The following CSMD2 variants were observed in gnomAD, a reference collection of about 807,000 sequenced individuals.
The protein encoded by CSMD2 is CUB and Sushi multiple domains 2.
In CSMD2, 130 loss-of-function variants were observed where a neutral mutation model predicts 398.5. That is an observed-to-expected ratio of 0.33 (90% CI 0.28 to 0.38). CSMD2 has a LOEUF of 0.38. CSMD2 is among the 10% of genes least tolerant of loss of function. CSMD2 has a pLI of 1.00. For synonymous variants in CSMD2, 1,828 were observed against 1,908.5 expected, an observed-to-expected ratio of 0.96 and a Z score of 1.10; for missense variants, 3,829 against 4,764.9, an observed-to-expected ratio of 0.80 and a Z score of 5.78.
At chr1:33,839,992 T>A (rs1395611783) in intron 6 of CSMD2, 1 of 152,140 alleles carries the variant, frequency 6.6e-6, no homozygotes, top group African/African-American at 2.4e-5. Context: ...AATCATCAAC[T>A]CAACTAAGGT....
At chr1:34,120,275 T>C (rs1662039730) in intron 1 of CSMD2, among the ~76,000 whole-genome samples, 1 of 152,178 alleles carries the variant, frequency 6.6e-6, no homozygotes, top group Non-Finnish European at 1.5e-5. Flanking sequence ...GAAATTAAGA[T>C]GGTGATTGTC....
At chr1:33,809,667 G>A (rs572247808) in intron 10 of CSMD2, among the ~76,000 whole-genome samples, 67 of 152,016 alleles carry the variant, frequency 4.4e-4, no homozygotes, top group African/African-American at 1.6e-3. Flanking sequence ...TATACTGGGA[G>A]GTTCCAACCA....
chr1:33,705,020 T>A lies in CSMD2; in HGVS notation c.3576+4069A>T, dbSNP rs190160730. ...TCTTTGTTTTAATACATAGCCAAAT[T>A]CAATCAGATTTATACTCAAAATTTT... On this transcript the variant is annotated intron_variant, in intron 22 of 70. Transcript: ENST00000373381. 2.6e-5 allele frequency among the ~76,000 whole-genome samples: 4 copies of A among 152,146 alleles called. No individual in the cohort carries two copies. In the East Asian group the frequency reaches 7.7e-4, roughly 29 times the overall value.
intron 2 of CSMD2, among the ~76,000 whole-genome samples, chr1:34,073,444 T>A (rs768437244): frequency 8.5e-5 from 13 of 152,342 alleles, no homozygotes; most frequent in Non-Finnish European, 1.8e-4. Context: ...CATGGGCAGT[T>A]TAATGAATCC....
intron 1 of CSMD2, among the ~76,000 whole-genome samples, chr1:34,137,487 T>C (rs1255231876): frequency 6.6e-6 from 1 of 152,092 alleles, no homozygotes; most frequent in East Asian, 1.9e-4. Flanking sequence ...AGTAAACACA[T>C]CAGGCTCAAA....
chr1:34,129,003 A>AC (rs746867346), intron 1 of CSMD2, among the ~76,000 whole-genome samples: 16,973 of 80,894 alleles, frequency 0.21, 1,149 homozygotes, highest in East Asian at 0.37. Context: ...ATACATGTGT[A>AC]CCCCCCCCCA....
Position 33,602,228 on chromosome 1 carries a change from T to C in CSMD2, c.6710+141A>G, listed in dbSNP as rs556286597. ...CTGAGCCCCATTCCACTATGTTTAT[T>C]TGAAACCCAGGAGGCTGACAGCCTT... On this transcript the variant is annotated intron_variant, in intron 43 of 70. Transcript: ENST00000373381. 9.1e-4 allele frequency: 778 copies of C among 852,364 alleles called. 7 individuals carry two copies. The African/African-American group carries it at 0.012, about 13-fold the overall frequency. 52.8% of individuals were successfully genotyped at this position (852,364 alleles called of 1,614,324 possible).
At chr1:33,684,441 G>C (rs1645001137) in intron 25 of CSMD2, among the ~76,000 whole-genome samples, 1 of 152,160 alleles carries the variant, frequency 6.6e-6, no homozygotes. Flanking sequence ...ATCGGCAGAG[G>C]ACTGTCTCCT....
intron 25 of CSMD2, among the ~76,000 whole-genome samples, chr1:33,671,973 T>C (rs1191986318): frequency 1.4e-5 from 2 of 147,222 alleles, no homozygotes; most frequent in African/African-American, 5.0e-5. Flanking sequence ...CTCTATCCCA[T>C]TGCAAATTGG....
At chr1:34,018,874 CTT>C (rs1648496494) in intron 3 of CSMD2, among the ~76,000 whole-genome samples, 1 of 152,104 alleles carries the variant, frequency 6.6e-6, no homozygotes, top group Admixed American at 6.5e-5. Flanking sequence ...TAATCTTTTC[CTT>C]TTGTTAGATT....
intron 22 of CSMD2, among the ~76,000 whole-genome samples, chr1:33,703,917 C>T (rs1012361942): frequency 2.6e-5 from 4 of 152,108 alleles, no homozygotes; most frequent in South Asian, 4.1e-4. Context: ...AATCCTTGAT[C>T]GCCATTGAAG....
intron 9 of CSMD2, among the ~76,000 whole-genome samples, chr1:33,818,795 A>G (rs1657767209): frequency 6.6e-6 from 1 of 152,234 alleles, no homozygotes; most frequent in Non-Finnish European, 1.5e-5. Flanking sequence ...TATGGGTTTC[A>G]GCTCCAACTC....
chr1:33,734,995 C>T (rs1399538362), intron 15 of CSMD2, among the ~76,000 whole-genome samples: 1 of 152,118 alleles, frequency 6.6e-6, no homozygotes, highest in African/African-American at 2.4e-5. Flanking sequence ...TCCGATGTCT[C>T]CATGTGATGT....
chr1:33,897,536 T>C (rs1405086055), intron 5 of CSMD2, among the ~76,000 whole-genome samples: 1 of 152,228 alleles, frequency 6.6e-6, no homozygotes, highest in East Asian at 1.9e-4. Flanking sequence ...ACCTGTGGGT[T>C]CATACTGTGT....
At chr1:34,147,898 G>A (rs1484936916) in intron 1 of CSMD2, among the ~76,000 whole-genome samples, 1 of 152,170 alleles carries the variant, frequency 6.6e-6, no homozygotes, top group African/African-American at 2.4e-5. Context: ...ACACAAGGTT[G>A]TTCAAGAGAG....
At chr1:33,517,597 A>G (rs1046629089) in intron 70 of CSMD2, among the ~76,000 whole-genome samples, 1 of 152,210 alleles carries the variant, frequency 6.6e-6, no homozygotes, top group Non-Finnish European at 1.5e-5. Context: ...AGGAAAAAAT[A>G]AAGATTGGGC....
Position 34,029,124 on chromosome 1 carries a change from G to A in CSMD2, c.517+3470C>T, listed in dbSNP as rs139451760. ...CGGACACAACAACATCATGAATAGC[G>A]AATATAAGGAAACCATCCTGACTGG... On this transcript the variant is annotated intron_variant, in intron 3 of 70. Coordinates refer to ENST00000373381, the MANE Select transcript of CSMD2 (RefSeq NM_001281956.2). 5.0e-4 allele frequency among the ~76,000 whole-genome samples: 76 copies of A among 152,240 alleles called. No homozygotes were observed. The East Asian group carries it at 0.012, about 25-fold the overall frequency.
chr1:34,051,546 T>C (rs1049146247), intron 2 of CSMD2, among the ~76,000 whole-genome samples: 2 of 152,190 alleles, frequency 1.3e-5, no homozygotes, highest in Non-Finnish European at 2.9e-5. Flanking sequence ...CTTTTTCCTT[T>C]TTCATATAGC....
intron 40 of CSMD2, among the ~76,000 whole-genome samples, chr1:33,614,105 G>T (rs1641227515): frequency 6.6e-6 from 1 of 152,074 alleles, no homozygotes. Context: ...AGTACAACTT[G>T]AGGTCCAGTC....
Sources: gnomAD v4.1 joint callset for allele counts (sites outside exome capture counted in the v4.1 genomes callset) on GRCh38, gnomAD v4.1.1 for gene constraint, MANE v1.5 for transcripts, NCBI Gene and HGNC (gene_info 2026-07-23, HGNC 2026-07-21) for gene names.